Variants in RASGEF1C observed in about 807,000 individuals in gnomAD.
RASGEF1C encodes RasGEF domain family member 1C, also known as ras-GEF domain-containing family member 1C.
In RASGEF1C, 27 loss-of-function variants were observed where a neutral mutation model predicts 58.1. The ratio of observed to expected loss-of-function variants is 0.46; its 90% CI spans 0.34 to 0.64. The LOEUF is 0.64. Ranked by LOEUF, RASGEF1C falls within the 30% of genes least tolerant of loss-of-function variation. The pLI is 0.01. For synonymous variants in RASGEF1C, 243 were observed against 246.3 expected, an observed-to-expected ratio of 0.99 and a Z score of 0.13; for missense variants, 502 against 605.1, an observed-to-expected ratio of 0.83 and a Z score of 1.79.
chr5:180,181,641 G>A (rs1233270435), intron 1 of RASGEF1C, among the ~76,000 whole-genome samples: 1 of 152,196 alleles, frequency 6.6e-6, no homozygotes, highest in Non-Finnish European at 1.5e-5. Context: ...CAGAAGCTGG[G>A]AACAGGCAGG....
intron 10 of RASGEF1C, among the ~76,000 whole-genome samples, chr5:180,117,362 C>T (rs909644893): frequency 2.6e-5 from 4 of 152,248 alleles, no homozygotes; most frequent in Non-Finnish European, 5.9e-5. Context: ...CCACTGGCTT[C>T]CCTCCAGTGC....
At chr5:180,203,995 A>AAAGC (rs779305028) in intron 1 of RASGEF1C, among the ~76,000 whole-genome samples, 19 of 106,038 alleles carry the variant, frequency 1.8e-4, no homozygotes, top group Non-Finnish European at 2.3e-4. Context: ...TCTGTCTCAA[A>AAAGC]AAACAAACAA....
At chr5:180,174,116 G>A (rs1767170016) in intron 1 of RASGEF1C, among the ~76,000 whole-genome samples, 1 of 151,930 alleles carries the variant, frequency 6.6e-6, no homozygotes, top group African/African-American at 2.4e-5. Flanking sequence ...ATGGAGCCTG[G>A]GCCGTGGTGT....
At position 180,136,404 on chromosome 5, in the gene RASGEF1C, C is replaced by T. The variant is rs372841441; in HGVS notation, c.412G>A (p.Val138Met). Residue 138 changes from valine to methionine, a missense_variant, in exon 4 of 14, where the codon GTG (valine) becomes ATG (methionine). By Grantham distance (21) the Val-to-Met change is conservative (BLOSUM62 1). Transcript: ENST00000361132. Reference sequence around the variant, plus strand: ...TCGTCACAGGGGGCGATGCGGCCCACGACGTCCTTAAGGTGCCCGATAGTC... The same window carrying T: ...TCGTCACAGGGGGCGATGCGGCCCATGACGTCCTTAAGGTGCCCGATAGTC... ...ESTIGHLKDV[V>M]GRIAPCDEAY... 6 of 1,558,930 alleles carry T rather than the reference C, an allele frequency of 3.8e-6. No individual in the cohort carries two copies. The highest frequency in any genetic ancestry group is 2.6e-6 in the Non-Finnish European group (3 of 1,151,492).
chr5:180,151,670 T>A (rs1420564637), intron 1 of RASGEF1C, among the ~76,000 whole-genome samples: 2 of 152,006 alleles, frequency 1.3e-5, no homozygotes, highest in Non-Finnish European at 2.9e-5. Flanking sequence ...AAGGACTTCA[T>A]GTCTAAAACA....
chr5:180,194,597 G>T (rs1756231962), intron 1 of RASGEF1C, among the ~76,000 whole-genome samples: 1 of 152,182 alleles, frequency 6.6e-6, no homozygotes, highest in South Asian at 2.1e-4. Context: ...ATTCTCAAGG[G>T]GCTTGTCAGC....
rs183780077 is a variant in RASGEF1C, at chr5:180,113,689, G to A, written c.1179+757C>T. ...GACCGGGGATGGATGGAGGGATCGG[G>A]GATGGACGGAGGGATCGGGGATGGA... On this transcript the variant is annotated intron_variant, in intron 11 of 13. Transcript: ENST00000361132. 3.0e-3 allele frequency among the ~76,000 whole-genome samples: 414 copies of A among 137,074 alleles called. 2 individuals carry two copies. Among genetic ancestry groups the A allele is most frequent in the Non-Finnish European group, 4.8e-3 (305 of 63,456 alleles). 89.9% of individuals were successfully genotyped at this position (137,074 alleles called of 152,430 possible).
chr5:180,123,872 T>C (rs1295254884), intron 6 of RASGEF1C, among the ~76,000 whole-genome samples: 1 of 152,116 alleles, frequency 6.6e-6, no homozygotes. Flanking sequence ...GATGGATCAA[T>C]GTAGATGTGA....
intron 4 of RASGEF1C, among the ~76,000 whole-genome samples, chr5:180,132,534 C>G (rs1766388229): frequency 6.6e-6 from 1 of 152,224 alleles, no homozygotes; most frequent in South Asian, 2.1e-4. Flanking sequence ...TGGCAGAAAG[C>G]CGACGCAGGA....
intron 1 of RASGEF1C, among the ~76,000 whole-genome samples, chr5:180,142,104 A>G (rs1766589041): frequency 6.6e-6 from 1 of 152,160 alleles, no homozygotes; most frequent in South Asian, 2.1e-4. Flanking sequence ...TGGGGGCTGC[A>G]TAGATGGGCT....
At chr5:180,136,684 G>A (rs1389058996) in intron 3 of RASGEF1C, 169 bp from the exon 4 acceptor site, 6 of 660,654 alleles carry the variant, frequency 9.1e-6, no homozygotes, top group African/African-American at 1.9e-5. Context: ...ACGGGGAGAG[G>A]AGGGGGGACG....
intron 1 of RASGEF1C, among the ~76,000 whole-genome samples, chr5:180,204,739 G>A (rs1029759932): frequency 6.6e-6 from 1 of 152,064 alleles, no homozygotes; most frequent in African/African-American, 2.4e-5. Context: ...ACTAAGGTCA[G>A]GAACAAGGTA....
intron 1 of RASGEF1C, among the ~76,000 whole-genome samples, chr5:180,142,934 A>T (rs1169973556): frequency 6.6e-6 from 1 of 152,006 alleles, no homozygotes; most frequent in Non-Finnish European, 1.5e-5. Context: ...GGACACTGAG[A>T]GGAAATGCCT....
intron 1 of RASGEF1C, among the ~76,000 whole-genome samples, chr5:180,202,943 G>C (rs536453076): frequency 2.6e-5 from 4 of 151,888 alleles, no homozygotes; most frequent in Non-Finnish European, 4.4e-5. Flanking sequence ...ACCTCGTGAT[G>C]CACCCGCCTC....
At chr5:180,201,729 G>A (rs1179037290) in intron 1 of RASGEF1C, among the ~76,000 whole-genome samples, 3 of 152,150 alleles carry the variant, frequency 2.0e-5, no homozygotes, top group South Asian at 2.1e-4. Context: ...ATTTGGGGGC[G>A]GGGGCCTTTG....
chr5:180,125,030 G>C (rs1409935620), intron 6 of RASGEF1C, among the ~76,000 whole-genome samples: 1 of 152,104 alleles, frequency 6.6e-6, no homozygotes, highest in South Asian at 2.1e-4. Context: ...CTACTTGGGG[G>C]GCTGAGGCAG....
intron 10 of RASGEF1C, among the ~76,000 whole-genome samples, chr5:180,117,200 G>GGC (rs1766084094): frequency 1.3e-5 from 2 of 152,240 alleles, no homozygotes; most frequent in African/African-American, 4.8e-5. Context: ...CTGGGACCCA[G>GGC]AGTCACTGAC....
intron 1 of RASGEF1C, among the ~76,000 whole-genome samples, chr5:180,139,627 G>A (rs1488830961): frequency 6.6e-6 from 1 of 152,206 alleles, no homozygotes; most frequent in East Asian, 1.9e-4. Flanking sequence ...TCGCCTCCCT[G>A]ACAATGCTGT....
chr5:180,115,298 A>AAAG, intron 10 of RASGEF1C: 1 of 443,496 alleles, frequency 2.3e-6, no homozygotes, highest in Admixed American at 2.6e-5. Flanking sequence ...TTTAAAAAAA[A>AAAG]AAAAAAAAAT....
Sources: allele counts gnomAD v4.1 joint callset (sites outside exome capture counted in the v4.1 genomes callset), GRCh38; gene constraint gnomAD v4.1.1; transcripts MANE v1.5; gene names NCBI Gene and HGNC (gene_info 2026-07-23, HGNC 2026-07-21).